The following NF1 variants were observed in gnomAD, a reference collection of about 807,000 sequenced individuals.
NF1 encodes the protein neurofibromin.
Under a neutral mutation model 325.7 loss-of-function variants are expected in NF1, and 122 were observed. That is an observed-to-expected ratio of 0.37 (90% CI 0.32 to 0.44). NF1 has a LOEUF of 0.44. Ranked by LOEUF, NF1 falls within the 20% of genes least tolerant of loss-of-function variation. The pLI, the probability that NF1 is intolerant of heterozygous loss-of-function variation, is 1.00. For synonymous variants in NF1, 1,091 were observed against 1,186.0 expected, an observed-to-expected ratio of 0.92 and a Z score of 1.65; for missense variants, 2,140 against 3,415.4, an observed-to-expected ratio of 0.63 and a Z score of 9.31.
chr17:31,237,049 G>A (rs2067215709), intron 29 of NF1, among the ~76,000 whole-genome samples: 1 of 152,138 alleles, frequency 6.6e-6, no homozygotes, highest in Non-Finnish European at 1.5e-5. Context: ...CACATGTTAA[G>A]ATGTTCTTGT....
chr17:31,349,641 C>G (rs1318007905), intron 49 of NF1, among the ~76,000 whole-genome samples: 1 of 152,170 alleles, frequency 6.6e-6, no homozygotes, highest in Admixed American at 6.5e-5. Context: ...CTATTTTAAG[C>G]TAATCTACTT....
At chr17:31,250,821 A>G (rs181817693) in intron 30 of NF1, 1 of 187,586 alleles carries the variant, frequency 5.3e-6, no homozygotes, top group Non-Finnish European at 1.1e-5. Flanking sequence ...ACAGTATGTT[A>G]TGCTTTTTAG....
intron 1 of NF1, among the ~76,000 whole-genome samples, chr17:31,100,527 C>G (rs997403139): frequency 6.6e-6 from 1 of 151,802 alleles, no homozygotes; most frequent in African/African-American, 2.4e-5. Flanking sequence ...TTATTCTTTG[C>G]TTCGGAATTT....
chr17:31,341,340 C>T (rs911662776), intron 47 of NF1, among the ~76,000 whole-genome samples: 2 of 151,950 alleles, frequency 1.3e-5, no homozygotes, highest in African/African-American at 4.8e-5. Flanking sequence ...GCCTGGGCAA[C>T]TTGCAAAACC....
At chr17:31,096,139 C>CCT (rs1347313627) in intron 1 of NF1, among the ~76,000 whole-genome samples, 1 of 151,516 alleles carries the variant, frequency 6.6e-6, no homozygotes, top group African/African-American at 2.4e-5. Context: ...CTTCCCCCCC[C>CCT]CCTTTTTTTT....
At chr17:31,335,274 T>TTATATACA in intron 40 of NF1, among the ~76,000 whole-genome samples, 41 of 6,680 alleles carry the variant, frequency 6.1e-3, no homozygotes, top group Non-Finnish European at 0.014. Flanking sequence ...CAAGGCATAA[T>TTATATACA]TATATATATA....
intron 33 of NF1, 59 bp from the exon 34 acceptor site, chr17:31,260,310 C>G: frequency 6.4e-7 from 1 of 1,552,468 alleles, no homozygotes. Context: ...AAATTTAATT[C>G]AAACATAAGT....
chr17:31,316,836 T>G (rs2151524059), intron 36 of NF1, among the ~76,000 whole-genome samples: 1 of 152,340 alleles, frequency 6.6e-6, no homozygotes, highest in African/African-American at 2.4e-5. Context: ...TGCTAATAAA[T>G]TGATAATAAA....
chr17:31,113,914 TGAG>T (rs1481600610), intron 1 of NF1, among the ~76,000 whole-genome samples: 2 of 152,202 alleles, frequency 1.3e-5, no homozygotes, highest in Non-Finnish European at 2.9e-5. Flanking sequence ...CTTCCCAAAA[TGAG>T]GAGCAGAGTC....
intron 21 of NF1, 90 bp from the exon 22 acceptor site, chr17:31,229,743 CTG>C (rs1399260559): frequency 2.0e-5 from 30 of 1,506,300 alleles, no homozygotes; most frequent in Non-Finnish European, 2.5e-5. Flanking sequence ...TGCACTTACT[CTG>C]TGTGTTTAGA....
intron 29 of NF1, among the ~76,000 whole-genome samples, chr17:31,245,658 C>T (rs2067376613): frequency 6.6e-6 from 1 of 152,140 alleles, no homozygotes; most frequent in Non-Finnish European, 1.5e-5. Flanking sequence ...GGAAAAGATG[C>T]ACATAGGGCA....
Position 31,326,213 on chromosome 17 carries a change from T to C in NF1, c.5229T>C (p.Ala1743=), listed in dbSNP as rs876657546. The C allele has an allele frequency of 1.3e-5, 21 of 1,612,314 alleles. No homozygotes were observed. Among genetic ancestry groups the C allele is most frequent in the Non-Finnish European group, 1.8e-5 (21 of 1,179,982 alleles). ...AGGACCTGAAGGTATTCCACAATGCTCTCAAGCTAGCTCACAAAGACACCA... is the reference window on the plus strand; with the variant it reads ...AGGACCTGAAGGTATTCCACAATGCCCTCAAGCTAGCTCACAAAGACACCA... ...LEEDLKVFHN[A]LKLAHKDTKV... Residue 1743 remains alanine, a synonymous_variant, in exon 37 of 58, where the codon GCT becomes GCC. Transcript: ENST00000358273.
At chr17:31,238,557 A>AC (rs2067241722) in intron 29 of NF1, among the ~76,000 whole-genome samples, 2 of 151,972 alleles carry the variant, frequency 1.3e-5, no homozygotes, top group Admixed American at 6.6e-5. Flanking sequence ...ACATGGTGAA[A>AC]CCCTGTCTTT....
chr17:31,259,611 T>C (rs2067648977), intron 33 of NF1, among the ~76,000 whole-genome samples: 1 of 152,206 alleles, frequency 6.6e-6, no homozygotes. Context: ...CTGAACTTTA[T>C]GATTTTAGAA....
At chr17:31,308,002 C>T (rs994911289) in intron 36 of NF1, 14 of 1,033,598 alleles carry the variant, frequency 1.4e-5, no homozygotes, top group East Asian at 5.9e-5. Context: ...TTTCCCTATA[C>T]GAATAATTCA....
chr17:31,350,205 A>T lies in NF1; in HGVS notation c.7344A>T (p.Glu2448Asp), dbSNP rs374234848. The change falls in exon 50 of 58, where the codon GAA (glutamate) becomes GAT (aspartate). Residue 2448 changes from glutamate (E) to aspartate (D), a missense_variant. Physicochemically the swap from Glu to Asp is conservative, Grantham distance 45 (BLOSUM62 2). Transcript: ENST00000358273. Reference sequence around the variant, plus strand: ...TAGCTTTACTTACAGTGTCTGAAGAAGTTCGAAGTCGCTGCAGCCTAAAAC... The same window carrying T: ...TAGCTTTACTTACAGTGTCTGAAGATGTTCGAAGTCGCTGCAGCCTAAAAC... ...YLAALLTVSE[E>D]VRSRCSLKHR... The T allele has an allele frequency of 1.2e-6, 2 of 1,614,000 alleles. No homozygotes were observed. Among genetic ancestry groups the T allele is most frequent in the Non-Finnish European group, 1.7e-6 (2 of 1,179,898 alleles).
intron 36 of NF1, chr17:31,273,718 T>C (rs2067948347): frequency 6.6e-6 from 1 of 152,202 alleles, no homozygotes; most frequent in African/African-American, 2.4e-5. Flanking sequence ...CCATTTGCTC[T>C]TTGGAAGTAT....
At chr17:31,256,105 T>G (rs1157813544) in intron 31 of NF1, among the ~76,000 whole-genome samples, 1 of 152,110 alleles carries the variant, frequency 6.6e-6, no homozygotes, top group African/African-American at 2.4e-5. Flanking sequence ...CTTAAAGGCT[T>G]TAAAATGTTA....
At chr17:31,174,171 C>G (rs879371807) in intron 5 of NF1, among the ~76,000 whole-genome samples, 22 of 152,114 alleles carry the variant, frequency 1.4e-4, no homozygotes, top group Non-Finnish European at 8.8e-5. Context: ...AAATCTTTTT[C>G]TAGATGTGGA....
Sources: allele counts gnomAD v4.1 joint callset (sites outside exome capture counted in the v4.1 genomes callset), GRCh38; gene constraint gnomAD v4.1.1; transcripts MANE v1.5; gene names NCBI Gene and HGNC (gene_info 2026-07-23, HGNC 2026-07-21).